The following NCAPG variants were observed in gnomAD, a reference collection of about 807,000 sequenced individuals.
The protein encoded by NCAPG is condensin complex subunit 3.
In NCAPG, 69 loss-of-function variants were observed where a neutral mutation model predicts 113.1. The ratio of observed to expected loss-of-function variants is 0.61; its 90% CI spans 0.50 to 0.75. NCAPG has a LOEUF of 0.75. Ranked by LOEUF, NCAPG falls within the 30% of genes least tolerant of loss-of-function variation. NCAPG has a pLI of 0.00. For synonymous variants in NCAPG, 370 were observed against 415.8 expected, an observed-to-expected ratio of 0.89 and a Z score of 1.34; for missense variants, 1,058 against 1,177.0, an observed-to-expected ratio of 0.90 and a Z score of 1.48.
At chr4:17,827,923 G>T (rs1026115352) in intron 11 of NCAPG, among the ~76,000 whole-genome samples, 1 of 150,560 alleles carries the variant, frequency 6.6e-6, no homozygotes, top group South Asian at 2.1e-4. Flanking sequence ...CTCGTGCCTC[G>T]GCCTCCCAAG....
At position 17,842,017 on chromosome 4, in the gene NCAPG, A is replaced by G. The variant is rs1482372758; in HGVS notation, c.2855-293A>G. ...CTTCATTATAACACATTTTTCATAT[A>G]CTGTCCTCAAATACATTGAACTAAA... On this transcript the variant is annotated intron_variant, in intron 19 of 20. Transcript: ENST00000251496. The G allele has an allele frequency of 1.4e-5, 4 of 291,214 alleles. 1 individual carries two copies. The highest frequency in any genetic ancestry group is 2.0e-5 in the Non-Finnish European group (3 of 151,080). The allele number at this position is 291,214 out of a possible 1,614,324, so 18.0% of individuals were successfully genotyped here. A position where few individuals can be genotyped will look rare whatever the true frequency, so the allele number is the denominator to read the frequency against.
chr4:17,836,420 G>C (rs1722094558), intron 14 of NCAPG, among the ~76,000 whole-genome samples: 3 of 151,998 alleles, frequency 2.0e-5, no homozygotes, highest in Admixed American at 6.5e-5. Context: ...AATATACTTA[G>C]ATGTATTAAA....
At chr4:17,833,607 AT>A (rs1721966126) in intron 13 of NCAPG, among the ~76,000 whole-genome samples, 1 of 151,184 alleles carries the variant, frequency 6.6e-6, no homozygotes. Flanking sequence ...TTTCACTATC[AT>A]ACTTAATTTC....
At position 17,811,956 on chromosome 4, in the gene NCAPG, T is replaced by C. The variant is rs1720981287; in HGVS notation, c.112-265T>C. 6.6e-6 allele frequency among the ~76,000 whole-genome samples: 1 copy of C among 152,216 alleles called. No individual in the cohort carries two copies. The highest frequency in any genetic ancestry group is 2.4e-5 in the African/African-American group (1 of 41,450). On this transcript the variant is annotated intron_variant, in intron 1 of 20. Transcript: ENST00000251496. This position sits in a 1 kb window ranked among gnomAD's most constrained non-coding sequence, Gnocchi z 5.3. Reference sequence around the variant, plus strand: ...GTAACGTACTGGTACTAAAGGCTTATTGAGAATCAAAGATATTGAAAAAAA... The same window carrying C: ...GTAACGTACTGGTACTAAAGGCTTACTGAGAATCAAAGATATTGAAAAAAA...
intron 11 of NCAPG, among the ~76,000 whole-genome samples, chr4:17,827,387 G>T (rs1721692087): frequency 6.6e-6 from 1 of 152,214 alleles, no homozygotes; most frequent in Non-Finnish European, 1.5e-5. Flanking sequence ...GCTTAGACAG[G>T]CATAATAGTT....
Position 17,834,541 on chromosome 4 carries a change from C to A in NCAPG, c.2109+18C>A. On this transcript the variant is annotated intron_variant, in intron 14 of 20. Transcript: ENST00000251496. Reference sequence around the variant, plus strand: ...ATAGTGAGGTAAGAAATAATCCAGTCCTGTGATTATGAAATGTCATTTTCA... The same window carrying A: ...ATAGTGAGGTAAGAAATAATCCAGTACTGTGATTATGAAATGTCATTTTCA... 1 of 1,420,038 alleles carries A rather than the reference C, an allele frequency of 7.0e-7. No homozygotes were observed. The highest frequency in any genetic ancestry group is 1.5e-5 in the South Asian group (1 of 68,136). The allele number at this position is 1,420,038 out of a possible 1,614,324, so 88.0% of individuals were successfully genotyped here. A position where few individuals can be genotyped will look rare whatever the true frequency, so the allele number is the denominator to read the frequency against.
chr4:17,838,016 A>G (rs532574748), intron 16 of NCAPG, among the ~76,000 whole-genome samples: 22 of 152,340 alleles, frequency 1.4e-4, no homozygotes, highest in African/African-American at 5.0e-4. Flanking sequence ...CTGAAAAGAA[A>G]TTACTAAAAA....
chr4:17,834,739 C>A (rs186058299), intron 14 of NCAPG, among the ~76,000 whole-genome samples: 176 of 152,280 alleles, frequency 1.2e-3, no homozygotes, highest in African/African-American at 4.0e-3. Context: ...CTCCCCTACC[C>A]CCCTATCCCC....
intron 13 of NCAPG, among the ~76,000 whole-genome samples, chr4:17,832,966 A>G (rs887986667): frequency 7.9e-5 from 12 of 152,208 alleles, no homozygotes; most frequent in Non-Finnish European, 1.3e-4. Context: ...AATTTCTTTA[A>G]AAGTTTTGAA....
intron 5 of NCAPG, 79 bp from the exon 6 acceptor site, chr4:17,817,181 TG>T: frequency 1.0e-6 from 1 of 980,702 alleles, no homozygotes; most frequent in Non-Finnish European, 1.5e-6. Context: ...ATACTGACTT[TG>T]TTAATTAAAA....
chr4:17,819,902 T>C (rs1041384552), intron 7 of NCAPG, among the ~76,000 whole-genome samples: 4 of 152,176 alleles, frequency 2.6e-5, no homozygotes, highest in Admixed American at 2.0e-4. Context: ...AAACTATAGC[T>C]CAAGCCCATG....
chr4:17,844,330 T>TTTCTC lies in NCAPG; in HGVS notation c.*908_*912dup, dbSNP rs1335456799. 6.6e-6 allele frequency: 1 copy of TTTCTC among 152,388 alleles called. No individual in the cohort carries two copies. The highest frequency in any genetic ancestry group is 1.5e-5 in the Non-Finnish European group (1 of 67,868). 9.4% of individuals were successfully genotyped at this position (152,388 alleles called of 1,614,324 possible). ...TTCTGCAATACCCAACGAAACACCT[T>TTTCTC]TTCTCTTTATTATTCAGAAATGTCC... is the stretch of plus-strand genomic sequence containing the variant. On this transcript the variant is annotated 3_prime_UTR_variant, in exon 21 of 21. Coordinates refer to ENST00000251496, the MANE Select transcript of NCAPG (RefSeq NM_022346.5).
chr4:17,844,244 C>CTT lies in NCAPG; in HGVS notation c.*822_*823dup, dbSNP rs1430207239. 3 of 152,388 alleles carry CTT rather than the reference C, an allele frequency of 2.0e-5. No homozygotes were observed. Among genetic ancestry groups the CTT allele is most frequent in the Non-Finnish European group, 4.4e-5 (3 of 67,870 alleles). 9.4% of individuals were successfully genotyped at this position (152,388 alleles called of 1,614,324 possible). A position where few individuals can be genotyped will look rare whatever the true frequency, so the allele number is the denominator to read the frequency against. Reference sequence around the variant, plus strand: ...ATTCACTGTCAATTTCATTTCTTGTCTTTTGAAATTGACACTTGGCCTGAC... The same window carrying CTT: ...ATTCACTGTCAATTTCATTTCTTGTCTTTTTTGAAATTGACACTTGGCCTGAC... On this transcript the variant is annotated 3_prime_UTR_variant, in exon 21 of 21. Coordinates refer to ENST00000251496, the MANE Select transcript of NCAPG (RefSeq NM_022346.5).
intron 20 of NCAPG, chr4:17,843,089 A>AAATC (rs2109076442): frequency 2.3e-6 from 1 of 429,036 alleles, no homozygotes; most frequent in East Asian, 4.1e-5. Context: ...ATAGTATATA[A>AAATC]AATCATTAGC....
chr4:17,820,233 C>T (rs935706381), intron 7 of NCAPG, among the ~76,000 whole-genome samples: 51 of 152,136 alleles, frequency 3.4e-4, no homozygotes, highest in African/African-American at 1.2e-3. Context: ...CAGGGATTAA[C>T]ATTTCCTTTG....
intron 13 of NCAPG, 146 bp from the exon 14 acceptor site, chr4:17,834,153 T>G: frequency 2.0e-6 from 1 of 508,374 alleles, no homozygotes; most frequent in Non-Finnish European, 3.4e-6. Flanking sequence ...TTTAACTGTA[T>G]TTTTGAAAAG....
At chr4:17,842,471 G>A in intron 20 of NCAPG, 92 bp downstream of exon 20, 2 of 980,340 alleles carry the variant, frequency 2.0e-6, no homozygotes, top group Non-Finnish European at 1.6e-6. Context: ...GAATGAGAGA[G>A]AATATATAAC....
intron 13 of NCAPG, among the ~76,000 whole-genome samples, chr4:17,833,479 T>C (rs1293839137): frequency 1.3e-4 from 18 of 139,184 alleles, no homozygotes; most frequent in Non-Finnish European, 9.0e-5. Context: ...AATATATATA[T>C]ATATTTTTGT....
chr4:17,823,791 T>C, intron 9 of NCAPG, 21 bp downstream of exon 9: 4 of 1,577,028 alleles, frequency 2.5e-6, no homozygotes, highest in Non-Finnish European at 3.5e-6. Flanking sequence ...TTCCTCATTG[T>C]TGATAAAGAG....
Sources: gnomAD v4.1 joint callset for allele counts (sites outside exome capture counted in the v4.1 genomes callset) on GRCh38, gnomAD v4.1.1 for gene constraint, Gnocchi (gnomAD v3.1) non-coding constraint, MANE v1.5 for transcripts, NCBI Gene and HGNC (gene_info 2026-07-23, HGNC 2026-07-21) for gene names.